CFAP46: variants seen among roughly 807,000 people sequenced by gnomAD.
CFAP46 encodes the protein cilia- and flagella-associated protein 46.
In CFAP46, 245 loss-of-function variants were observed where a neutral mutation model predicts 325.7. The ratio of observed to expected loss-of-function variants is 0.75; its 90% CI spans 0.68 to 0.84. CFAP46 has a LOEUF of 0.84. Among genes scored for constraint, CFAP46 ranks in the 40% least tolerant of loss-of-function variants. CFAP46 has a pLI of 0.00. For missense variants in CFAP46, 3,346 were observed against 3,543.0 expected, an observed-to-expected ratio of 0.94 and a Z score of 1.41; for synonymous variants, 1,523 against 1,495.9, an observed-to-expected ratio of 1.02 and a Z score of -0.42.
intron 28 of CFAP46, 60 bp from the exon 29 acceptor site, chr10:132,879,691 G>C: frequency 7.0e-7 from 1 of 1,423,796 alleles, no homozygotes; most frequent in South Asian, 1.5e-5. Context: ...TGGGCCCCAG[G>C]CCACTCCCTT....
chr10:132,824,587 T>TGCTGATGTGTGCTGTGTGTGCTGTGTGC (rs1847993501), intron 50 of CFAP46, among the ~76,000 whole-genome samples: 1 of 104,416 alleles, frequency 9.6e-6, no homozygotes, highest in Non-Finnish European at 1.9e-5. Flanking sequence ...GCTGTGTGAG[T>TGCTGATGTGTGCTGTGTGTGCTGTGTGC]GCTGATGTGT....
intron 41 of CFAP46, among the ~76,000 whole-genome samples, chr10:132,848,015 C>T (rs370182336): frequency 4.6e-5 from 7 of 152,160 alleles, no homozygotes; most frequent in Non-Finnish European, 8.8e-5. Context: ...CTGACATGCA[C>T]GGAGCCTGGC....
chr10:132,889,759 C>T lies in CFAP46; in HGVS notation c.3304+2574G>A, dbSNP rs544529663. Among the ~76,000 whole-genome samples the T allele has an allele frequency of 3.1e-4, 47 of 152,316 alleles. No homozygotes were observed. The highest frequency in any genetic ancestry group is 1.1e-3 in the African/African-American group (46 of 41,572). ...GAGGCCGTCAGCTCCATGGTGCCTC[C>T]GGGTGGGTGAGGGCCGTGGACTGTG... On this transcript the variant is annotated intron_variant, in intron 25 of 57. Coordinates refer to ENST00000368586, the MANE Select transcript of CFAP46 (RefSeq NM_001200049.3). The surrounding 1 kb of genome is among the most constrained non-coding windows in gnomAD (Gnocchi z 6.0).
At chr10:132,931,334 TC>T in intron 8 of CFAP46, among the ~76,000 whole-genome samples, 1 of 99,572 alleles carries the variant, frequency 1.0e-5, no homozygotes, top group African/African-American at 4.1e-5. Flanking sequence ...GCCTGGGCCT[TC>T]CCCACACTCC....
chr10:132,907,915 CT>C (rs1849479540), intron 22 of CFAP46, among the ~76,000 whole-genome samples: 1 of 152,252 alleles, frequency 6.6e-6, no homozygotes, highest in South Asian at 2.1e-4. Context: ...TCTGCCACAC[CT>C]CGATGGCACT....
chr10:132,871,487 T>G (rs1353667942), intron 32 of CFAP46, among the ~76,000 whole-genome samples: 2 of 152,250 alleles, frequency 1.3e-5, no homozygotes, highest in Admixed American at 6.5e-5. Flanking sequence ...AGAACATTCC[T>G]GATTCATGGG....
intron 11 of CFAP46, among the ~76,000 whole-genome samples, chr10:132,923,594 G>A (rs922213619): frequency 2.0e-5 from 3 of 151,714 alleles, no homozygotes; most frequent in African/African-American, 7.3e-5. Flanking sequence ...TTGTGGGGGT[G>A]CCCCGGACCC....
At position 132,919,795 on chromosome 10, in the gene CFAP46, CGT is replaced by C. The variant is rs1849693925; in HGVS notation, c.1730+262_1730+263del. Among the ~76,000 whole-genome samples, 1 of 152,140 alleles carries C rather than the reference CGT, an allele frequency of 6.6e-6. No individual in the cohort carries two copies. The highest frequency in any genetic ancestry group is 1.5e-5 in the Non-Finnish European group (1 of 68,006). ...CAGCCTGCTCTGGTCACAGGCGCTGCGTGTCCTCCGAGTGACAGCAGTGACAG... is the reference window on the plus strand; with the variant it reads ...CAGCCTGCTCTGGTCACAGGCGCTGCGTCCTCCGAGTGACAGCAGTGACAG... On this transcript the variant is annotated intron_variant, in intron 14 of 57. Coordinates refer to ENST00000368586, the MANE Select transcript of CFAP46 (RefSeq NM_001200049.3). This position sits in a 1 kb window ranked among gnomAD's most constrained non-coding sequence, Gnocchi z 9.7.
chr10:132,939,817 C>T lies in CFAP46; in HGVS notation c.372-1064G>A, dbSNP rs1184290455. On this transcript the variant is annotated intron_variant, in intron 4 of 57. Coordinates refer to ENST00000368586, the MANE Select transcript of CFAP46 (RefSeq NM_001200049.3). The surrounding 1 kb of genome is among the most constrained non-coding windows in gnomAD (Gnocchi z 4.6). ...CCGTCTCCTCCCTGTAAGTGGCTCT[C>T]CCCAAATTCCCACTGTGGCCTCCAC... is the stretch of plus-strand genomic sequence containing the variant. Among the ~76,000 whole-genome samples, 1 of 152,194 alleles carries T rather than the reference C, an allele frequency of 6.6e-6. No homozygotes were observed. Among genetic ancestry groups the T allele is most frequent in the Non-Finnish European group, 1.5e-5 (1 of 68,042 alleles).
intron 44 of CFAP46, among the ~76,000 whole-genome samples, chr10:132,837,675 A>G (rs1848281672): frequency 6.8e-6 from 1 of 147,430 alleles, no homozygotes; most frequent in Admixed American, 6.7e-5. Flanking sequence ...ACATGCACGG[A>G]CACACATGCA....
chr10:132,822,493 G>A (rs1250250095), intron 50 of CFAP46, among the ~76,000 whole-genome samples: 2 of 128,036 alleles, frequency 1.6e-5, no homozygotes, highest in East Asian at 2.6e-4. Flanking sequence ...TGCTGTGTGT[G>A]CTGATGTGTG....
In CFAP46 at chr10:132,905,765, G is replaced by T. The variant is rs147105091; in HGVS notation, c.2924+2703C>A. Among the ~76,000 whole-genome samples the T allele has an allele frequency of 1.8e-3, 274 of 152,338 alleles. 3 individuals carry two copies. Among genetic ancestry groups the T allele is most frequent in the Admixed American group, 0.014 (208 of 15,306 alleles). ...CAGAGACACCTCTGATCCTGGCCTGGTATCTCAGCATGTCCAGAGCCAGGC... is the reference window on the plus strand; with the variant it reads ...CAGAGACACCTCTGATCCTGGCCTGTTATCTCAGCATGTCCAGAGCCAGGC... On this transcript the variant is annotated intron_variant, in intron 22 of 57. Transcript: ENST00000368586.
At chr10:132,937,336 A>G (rs1850024137) in intron 6 of CFAP46, 4 of 585,622 alleles carry the variant, frequency 6.8e-6, no homozygotes, top group Middle Eastern at 4.6e-4. Context: ...AAGGCAAAAG[A>G]CCCTGTTTTG....
chr10:132,810,552 G>A (rs770402478), intron 56 of CFAP46, 63 bp from the exon 57 acceptor site: 172 of 1,472,010 alleles, frequency 1.2e-4, no homozygotes, highest in Non-Finnish European at 1.6e-4. Flanking sequence ...GAAGGGTTGC[G>A]GGACAGGCCC....
chr10:132,814,664 C>G lies in CFAP46; in HGVS notation c.7249+22G>C, dbSNP rs376503628. ...AGCACAGGGCGGGGTCTGGGGCCCC[C>G]CCGGGGCCCATCAAAGGATACACTT... On this transcript the variant is annotated intron_variant, in intron 52 of 57. Coordinates refer to ENST00000368586, the MANE Select transcript of CFAP46 (RefSeq NM_001200049.3). 7.6e-6 allele frequency: 12 copies of G among 1,586,006 alleles called. No homozygotes were observed. The African/African-American group carries it at 1.5e-4, about 19-fold the overall frequency.
intron 57 of CFAP46, among the ~76,000 whole-genome samples, chr10:132,809,765 G>A (rs527608300): frequency 6.6e-6 from 1 of 152,068 alleles, no homozygotes; most frequent in South Asian, 2.1e-4. Context: ...GGACGGCTGG[G>A]TGGGGTTCCG....
At position 132,941,488 on chromosome 10, in the gene CFAP46, T is replaced by C. The variant is rs1850100594; in HGVS notation, c.306+103A>G. 2.8e-5 allele frequency: 41 copies of C among 1,441,836 alleles called. No individual in the cohort carries two copies. In the South Asian group the frequency reaches 4.6e-4, roughly 16 times the overall value. 89.3% of individuals were successfully genotyped at this position (1,441,836 alleles called of 1,614,324 possible). A position where few individuals can be genotyped will look rare whatever the true frequency, so the allele number is the denominator to read the frequency against. Reference sequence around the variant, plus strand: ...ACTCTGGAAAGGAATTCCTTCACTCTACTACCCTAAGAACGATTTTAAGCC... The same window carrying C: ...ACTCTGGAAAGGAATTCCTTCACTCCACTACCCTAAGAACGATTTTAAGCC... On this transcript the variant is annotated intron_variant, in intron 3 of 57. Transcript: ENST00000368586.
Position 132,860,929 on chromosome 10 carries a change from C to T in CFAP46, c.4944G>A (p.Leu1648=), listed in dbSNP as rs763791531. Residue 1648 remains leucine, a synonymous_variant, in exon 36 of 58, where the codon TTG becomes TTA. Coordinates refer to ENST00000368586, the MANE Select transcript of CFAP46 (RefSeq NM_001200049.3). Reference sequence around the variant, plus strand: ...GTCCATAGTTTTTCTCCTTGTTGGCCAACTGTGCGAGGAGGAGCAGGCACT... The same window carrying T: ...GTCCATAGTTTTTCTCCTTGTTGGCTAACTGTGCGAGGAGGAGCAGGCACT... ...EAQCLLLLAQ[L]ANKEKNYGQA... 1.3e-6 allele frequency: 2 copies of T among 1,550,706 alleles called. No homozygotes were observed. The highest frequency in any genetic ancestry group is 2.4e-5 in the South Asian group (2 of 84,064).
intron 32 of CFAP46, among the ~76,000 whole-genome samples, chr10:132,871,637 G>A (rs1047548766): frequency 6.6e-5 from 10 of 152,234 alleles, no homozygotes; most frequent in African/African-American, 2.4e-4. Context: ...AATCAGAAGT[G>A]GAGCCTGAAG....
Sources: allele counts gnomAD v4.1 joint callset (sites outside exome capture counted in the v4.1 genomes callset), GRCh38; gene constraint gnomAD v4.1.1; non-coding constraint Gnocchi (gnomAD v3.1); transcripts MANE v1.5; gene names NCBI Gene and HGNC (gene_info 2026-07-23, HGNC 2026-07-21).